The following MICAL3 variants were observed in gnomAD, a reference collection of about 807,000 sequenced individuals.
MICAL3 encodes microtubule associated monooxygenase, calponin and LIM domain containing 3.
A neutral mutation model predicts 207.4 loss-of-function variants in MICAL3; 62 were observed. The observed-to-expected ratio is 0.30, with a 90% confidence interval of 0.24 to 0.37. The LOEUF is 0.37. MICAL3 is among the 10% of genes least tolerant of loss of function. The pLI, the probability that MICAL3 is intolerant of heterozygous loss-of-function variation, is 1.00. For missense variants in MICAL3, 2,368 were observed against 2,635.6 expected (o/e 0.90, Z 2.22); for synonymous variants, 1,077 against 1,069.3 (o/e 1.01, Z -0.14).
intron 19 of MICAL3, chr22:17,860,707 C>A: frequency 1.0e-6 from 1 of 985,418 alleles, no homozygotes; most frequent in East Asian, 1.1e-4. Flanking sequence ...GCAGCAGCAG[C>A]CCCCTGCGTT....
intron 1 of MICAL3, among the ~76,000 whole-genome samples, chr22:17,938,357 A>T (rs572191207): frequency 3.9e-5 from 6 of 152,344 alleles, no homozygotes; most frequent in African/African-American, 1.4e-4. Flanking sequence ...GGAGGGAAGT[A>T]GGTTTGAATT....
intron 1 of MICAL3, among the ~76,000 whole-genome samples, chr22:18,008,926 CA>C (rs34859796): frequency 6.6e-6 from 1 of 151,462 alleles, no homozygotes; most frequent in African/African-American, 2.4e-5. Flanking sequence ...GCTGTCTCTT[CA>C]AAAAAGGGAA....
chr22:17,817,949 A>G lies in MICAL3; in HGVS notation c.4712T>C (p.Leu1571Pro). The change falls in exon 26 of 32, where the codon CTG (leucine) becomes CCG (proline). Residue 1571 changes from leucine to proline, a missense_variant. Transcript: ENST00000441493. ...LAKENGRLPALEGTLQPQKRG... is the reference protein window; with the variant it reads ...LAKENGRLPAPEGTLQPQKRG... The stretch of plus-strand genomic sequence containing the variant: ...CTTCTGTGGCTGCAGCGTCCCCTCC[A>G]GAGCAGGCAGCCTCCCGTTCTCCTT... The G allele has an allele frequency of 6.2e-7, 1 of 1,612,340 alleles. No individual in the cohort carries two copies. Among genetic ancestry groups the G allele is most frequent in the Non-Finnish European group, 8.5e-7 (1 of 1,179,748 alleles).
chr22:17,953,679 C>A (rs966039895), intron 1 of MICAL3, among the ~76,000 whole-genome samples: 2 of 151,882 alleles, frequency 1.3e-5, no homozygotes, highest in Non-Finnish European at 2.9e-5. Context: ...GCCTGTAATC[C>A]CAGCATTTTG....
chr22:18,000,985 C>A (rs1430141565), intron 1 of MICAL3: 2 of 152,162 alleles, frequency 1.3e-5, no homozygotes, highest in Non-Finnish European at 2.9e-5. Flanking sequence ...ACCCCGCACC[C>A]AGAGCCGGGC....
At chr22:17,989,874 T>G (rs1466224239) in intron 1 of MICAL3, among the ~76,000 whole-genome samples, 1 of 152,220 alleles carries the variant, frequency 6.6e-6, no homozygotes, top group African/African-American at 2.4e-5. Flanking sequence ...TTAGCATGCT[T>G]GTTTTCCCGA....
intron 28 of MICAL3, 130 bp from the exon 29 acceptor site, chr22:17,809,067 G>A (rs1477659798): frequency 2.6e-6 from 2 of 756,050 alleles, no homozygotes; most frequent in Non-Finnish European, 4.3e-6. Context: ...TGTGGGCGGT[G>A]CGCTCAGGGT....
intron 19 of MICAL3, chr22:17,864,065 T>C (rs1202964661): frequency 2.6e-5 from 26 of 987,268 alleles, no homozygotes; most frequent in Non-Finnish European, 3.1e-5. Flanking sequence ...TGTGGAGCTC[T>C]GGACGCATCT....
At chr22:17,916,802 G>A (rs931270519) in intron 1 of MICAL3, among the ~76,000 whole-genome samples, 3 of 151,900 alleles carry the variant, frequency 2.0e-5, no homozygotes, top group Non-Finnish European at 4.4e-5. Flanking sequence ...AAATGGCCCC[G>A]GAATCAACTC....
intron 28 of MICAL3, 55 bp downstream of exon 28, chr22:17,810,648 G>A: frequency 7.9e-6 from 11 of 1,395,608 alleles, no homozygotes; most frequent in Non-Finnish European, 1.1e-5. Flanking sequence ...TGGATAGGGA[G>A]ATGCTGCCCA....
At chr22:17,836,785 C>T (rs1228323630) in intron 20 of MICAL3, among the ~76,000 whole-genome samples, 1 of 152,040 alleles carries the variant, frequency 6.6e-6, no homozygotes, top group African/African-American at 2.4e-5. Flanking sequence ...GCTGGGACTA[C>T]TCGGCCCGCC....
chr22:17,897,311 T>C (rs996228952), intron 7 of MICAL3, among the ~76,000 whole-genome samples: 12 of 149,638 alleles, frequency 8.0e-5, no homozygotes, highest in African/African-American at 3.0e-4. Context: ...TAACCCCAGC[T>C]ACTTGGGAAG....
intron 1 of MICAL3, among the ~76,000 whole-genome samples, chr22:17,976,527 GTATA>G (rs148212209): frequency 1.0e-4 from 13 of 124,798 alleles, no homozygotes; most frequent in African/African-American, 4.5e-4. Context: ...GTATATATGT[GTATA>G]TATATGTGTG....
At chr22:17,838,348 C>T (rs537491931) in intron 20 of MICAL3, among the ~76,000 whole-genome samples, 2 of 152,324 alleles carry the variant, frequency 1.3e-5, no homozygotes, top group South Asian at 4.1e-4. Context: ...CCAACATTCT[C>T]GGACAGGGTG....
chr22:17,953,930 CAAAAAAAAAAAAAAAAAAAAAAAAAAAAA>C lies in MICAL3; in HGVS notation c.-74-47073_-74-47045del, dbSNP rs59740388. On this transcript the variant is annotated intron_variant, in intron 1 of 31. Transcript: ENST00000441493. ...CAGGTGACAGAGTAAGACTCCATCTCAAAAAAAAAAAAAAAAAAAAAAAAAAAAAAAAAAAAAGAAAAGAAAAAGAAAAA... is the reference window on the plus strand; with the variant it reads ...CAGGTGACAGAGTAAGACTCCATCTCAAAAAAAAGAAAAGAAAAAGAAAAA... Among the ~76,000 whole-genome samples, 4 of 86,524 alleles carry C rather than the reference CAAAAAAAAAAAAAAAAAAAAAAAAAAAAA, an allele frequency of 4.6e-5. No homozygotes were observed. The South Asian group carries it at 1.9e-3, about 42-fold the overall frequency. The allele number at this position is 86,524 out of a possible 152,430, so 56.8% of individuals were successfully genotyped here.
At chr22:17,959,826 A>G (rs117900521) in intron 1 of MICAL3, among the ~76,000 whole-genome samples, 1,948 of 148,628 alleles carry the variant, frequency 0.013, 29 homozygotes, top group East Asian at 0.07. Flanking sequence ...TAAAGGGGGG[A>G]AAAACATGGA....
intron 1 of MICAL3, among the ~76,000 whole-genome samples, chr22:17,971,108 C>G (rs575380588): frequency 6.6e-6 from 1 of 152,050 alleles, no homozygotes; most frequent in Non-Finnish European, 1.5e-5. Context: ...GCCCCAGAGG[C>G]GGAGGTCGCA....
At chr22:17,852,301 G>A (rs1039840131) in intron 19 of MICAL3, among the ~76,000 whole-genome samples, 2 of 152,118 alleles carry the variant, frequency 1.3e-5, no homozygotes, top group African/African-American at 2.4e-5. Flanking sequence ...CCTGTAAAAC[G>A]TCAATCACAG....
At chr22:17,824,359 C>T (rs985601385) in intron 22 of MICAL3, among the ~76,000 whole-genome samples, 2 of 152,148 alleles carry the variant, frequency 1.3e-5, no homozygotes, top group Non-Finnish European at 2.9e-5. Context: ...TGATGGCGCC[C>T]GGTTAGGTGG....
Sources: allele counts gnomAD v4.1 joint callset (sites outside exome capture counted in the v4.1 genomes callset), GRCh38; gene constraint gnomAD v4.1.1; transcripts MANE v1.5; gene names NCBI Gene and HGNC (gene_info 2026-07-23, HGNC 2026-07-21).